The following ARSH variants were observed in gnomAD, a reference collection of about 807,000 sequenced individuals.
The protein encoded by ARSH is arylsulfatase family member H, also known as arylsulfatase H.
Under a neutral mutation model 28.7 loss-of-function variants are expected in ARSH, and 32 were observed. That is an observed-to-expected ratio of 1.11 (90% CI 0.84 to 1.50). The LOEUF is 1.50. ARSH is among the 40% of genes most tolerant of loss of function. The pLI, the probability that ARSH is intolerant of heterozygous loss-of-function variation, is 0.00. For synonymous variants in ARSH, 176 were observed against 177.3 expected (o/e 0.99, Z 0.06); for missense variants, 440 against 452.4 (o/e 0.97, Z 0.25).
chrX:3,014,461 C>T (rs2089860045), intron 3 of ARSH, among the ~76,000 whole-genome samples: 1 of 110,867 alleles, frequency 9.0e-6, no homozygotes, highest in African/African-American at 3.3e-5. Flanking sequence ...TCATCCCTAG[C>T]TTGAGGACCT....
In ARSH at chrX:3,033,378, C is replaced by A; in HGVS notation, c.1682C>A (p.Ala561Asp). The A allele has an allele frequency of 8.3e-7, 1 of 1,198,241 alleles. No homozygotes were observed. Among genetic ancestry groups the A allele is most frequent in the Non-Finnish European group, 1.1e-6 (1 of 888,677 alleles). ...AAGGAAGATGACATCCTTCCCATGGCTCCCTGAGACCATGCGGACCACGTG... is the reference window on the plus strand; with the variant it reads ...AAGGAAGATGACATCCTTCCCATGGATCCCTGAGACCATGCGGACCACGTG... ...CDKEDDILPM[A>D]P Residue 561 changes from alanine (A) to aspartate (D), a missense_variant, in exon 9 of 9, where the codon GCT becomes GAT. Transcript: ENST00000381130.
At position 3,028,806 on chromosome X, in the gene ARSH, G is replaced by A. The variant is rs148065300; in HGVS notation, c.1200-441G>A. Among the ~76,000 whole-genome samples the A allele has an allele frequency of 7.6e-3, 841 of 110,571 alleles. 6 individuals carry two copies. The highest frequency in any genetic ancestry group is 0.026 in the African/African-American group (808 of 30,492). ...TTAAGAATTCCTTCTTCCGCCAGGC[G>A]CCGTGGCTCACGCCTGTAATCCTAG... On this transcript the variant is annotated intron_variant, in intron 7 of 8. Transcript: ENST00000381130.
chrX:3,008,445 CTTA>C (rs1335493954), intron 1 of ARSH, among the ~76,000 whole-genome samples: 1 of 99,295 alleles, frequency 1.0e-5, no homozygotes, highest in Non-Finnish European at 2.1e-5. Context: ...TCTTCTTCTT[CTTA>C]TTTTCTTTCT....
In ARSH at chrX:3,033,393, C is replaced by A. The variant is rs5939155; in HGVS notation, c.*8C>A. 1 of 1,192,459 alleles carries A rather than the reference C, an allele frequency of 8.4e-7. No homozygotes were observed. The highest frequency in any genetic ancestry group is 2.2e-5 in the Admixed American group (1 of 44,669). ...CTTCCCATGGCTCCCTGAGACCATG[C>A]GGACCACGTGTTACCCACCACAAAC... On this transcript the variant is annotated 3_prime_UTR_variant, in exon 9 of 9. Transcript: ENST00000381130.
At chrX:3,026,838 C>CTTTTCT (rs149933553) in intron 6 of ARSH, among the ~76,000 whole-genome samples, 5 of 110,468 alleles carry the variant, frequency 4.5e-5, no homozygotes, top group Admixed American at 2.9e-4. Context: ...CTGTATTTTT[C>CTTTTCT]TTTTCTTTTT....
chrX:3,009,842 T>C (rs1303676057), intron 1 of ARSH, among the ~76,000 whole-genome samples, 188 bp from the exon 2 acceptor site: 1 of 112,119 alleles, frequency 8.9e-6, no homozygotes, highest in Non-Finnish European at 1.9e-5. Context: ...TATTTTAAAC[T>C]TATGTTTCCA....
chrX:3,033,184 C>A lies in ARSH; in HGVS notation c.1488C>A (p.Asn496Lys). 3 of 1,211,523 alleles carry A rather than the reference C, an allele frequency of 2.5e-6. No homozygotes were observed. Among genetic ancestry groups the A allele is most frequent in the Non-Finnish European group, 3.4e-6 (3 of 895,401 alleles). The change falls in exon 9 of 9, where the codon AAC becomes AAA. Residue 496 changes from asparagine to lysine, a missense_variant. Physicochemically the swap from Asn to Lys is moderately conservative, Grantham distance 94 (BLOSUM62 0). Transcript: ENST00000381130. ...SRDPSEALPL[N>K]PDNEPLFDSV... ...ACCCTTCAGAAGCCCTTCCACTGAACCCTGACAATGAGCCATTATTTGACT... is the reference window on the plus strand; with the variant it reads ...ACCCTTCAGAAGCCCTTCCACTGAAACCTGACAATGAGCCATTATTTGACT...
chrX:3,026,890 C>G (rs2089900177), intron 6 of ARSH, among the ~76,000 whole-genome samples: 1 of 110,922 alleles, frequency 9.0e-6, no homozygotes, highest in Non-Finnish European at 1.9e-5. Context: ...CTCACCCTGT[C>G]ACCGAGGCTG....
In ARSH at chrX:3,027,460, T is replaced by G. The variant is rs1224295586; in HGVS notation, c.1184T>G (p.Ile395Ser). The G allele has an allele frequency of 7.4e-6, 9 of 1,211,152 alleles. No homozygotes were observed. In the East Asian group the frequency reaches 2.4e-4, roughly 32 times the overall value. Reference protein sequence around the residue: ...YPTLSYIGGGILSQDRVIDGQ... With the variant: ...YPTLSYIGGGSLSQDRVIDGQ... ...ACGCTGTCTTATATAGGCGGAGGGATCTTGTCCCAGGACAGGTATGGAAAC... is the reference window on the plus strand; with the variant it reads ...ACGCTGTCTTATATAGGCGGAGGGAGCTTGTCCCAGGACAGGTATGGAAAC... The change falls in exon 7 of 9, where the codon ATC becomes AGC. Residue 395 changes from isoleucine (I) to serine (S), a missense_variant. Coordinates refer to ENST00000381130, the MANE Select transcript of ARSH (RefSeq NM_001011719.2).
chrX:3,015,855 T>C (rs2089864881), intron 4 of ARSH, among the ~76,000 whole-genome samples: 1 of 110,868 alleles, frequency 9.0e-6, no homozygotes, highest in Non-Finnish European at 1.9e-5. Context: ...AGGTGACATT[T>C]GTGATAGACT....
rs2089861662 is a variant in ARSH at position 3,015,013 on chromosome X, C to G, written c.384C>G (p.His128Gln). The G allele has an allele frequency of 8.3e-7, 1 of 1,211,739 alleles. No homozygotes were observed. The highest frequency in any genetic ancestry group is 1.1e-6 in the Non-Finnish European group (1 of 895,521). The change falls in exon 4 of 9, where the codon CAC (histidine) becomes CAG (glutamine). Residue 128 changes from histidine (H) to glutamine (Q), a missense_variant. By Grantham distance (24) the His-to-Gln change is conservative (BLOSUM62 0). Transcript: ENST00000381130. Reference sequence around the variant, plus strand: ...TGAGCTGCGCCTCTCGGAATGATCACTGTTACCACCCGCTCAACCATGGTT... The same window carrying G: ...TGAGCTGCGCCTCTCGGAATGATCAGTGTTACCACCCGCTCAACCATGGTT... ...LGLSCASRND[H>Q]CYHPLNHGFH...
intron 1 of ARSH, among the ~76,000 whole-genome samples, chrX:3,008,720 T>C (rs1483881695): frequency 1.2e-5 from 1 of 83,898 alleles, no homozygotes; most frequent in Non-Finnish European, 2.3e-5. Context: ...TGCCTAATTT[T>C]TGTGGTTTTT....
chrX:3,020,938 CAT>C (rs745824626), intron 5 of ARSH, among the ~76,000 whole-genome samples: 29 of 110,766 alleles, frequency 2.6e-4, no homozygotes, highest in Admixed American at 1.9e-4. Context: ...ACACACACAC[CAT>C]ATGTTATATA....
intron 8 of ARSH, 70 bp downstream of exon 8, chrX:3,029,438 C>T (rs771531831): frequency 3.6e-5 from 41 of 1,147,552 alleles, no homozygotes; most frequent in African/African-American, 3.2e-4. Context: ...CGTCTCCTGG[C>T]GGAAGCTGCA....
intron 8 of ARSH, among the ~76,000 whole-genome samples, chrX:3,031,775 A>G (rs906427101): frequency 9.0e-6 from 1 of 111,631 alleles, no homozygotes; most frequent in Non-Finnish European, 1.9e-5. Flanking sequence ...TTTTGTTATT[A>G]TTTTTTCTCA....
At chrX:3,008,999 T>G (rs1054095044) in intron 1 of ARSH, among the ~76,000 whole-genome samples, 9 of 111,141 alleles carry the variant, frequency 8.1e-5, no homozygotes, top group African/African-American at 2.6e-4. Context: ...TTTTACAAAA[T>G]TTTTGCAATG....
intron 8 of ARSH, among the ~76,000 whole-genome samples, chrX:3,031,475 A>T (rs1468566542): frequency 2.7e-5 from 3 of 111,897 alleles, no homozygotes; most frequent in Admixed American, 9.6e-5. Context: ...CTGTAAAGAA[A>T]GGTCTTTTGG....
At chrX:3,006,907 T>C (rs1308213857) in intron 1 of ARSH, among the ~76,000 whole-genome samples, 1 of 110,846 alleles carries the variant, frequency 9.0e-6, no homozygotes, top group African/African-American at 3.3e-5. Flanking sequence ...TAGCTGTTGG[T>C]GGTGGCGTTT....
chrX:3,024,521 C>T lies in ARSH; in HGVS notation c.1036+366C>T, dbSNP rs776422541. On this transcript the variant is annotated intron_variant, in intron 6 of 8. Coordinates refer to ENST00000381130, the MANE Select transcript of ARSH (RefSeq NM_001011719.2). ...GGGCTCCACCCACACATGCCAGTAGCACCCACCGCAGAGCAGCAACAACCA... is the reference window on the plus strand; with the variant it reads ...GGGCTCCACCCACACATGCCAGTAGTACCCACCGCAGAGCAGCAACAACCA... Among the ~76,000 whole-genome samples the T allele has an allele frequency of 2.3e-4, 25 of 110,781 alleles. No individual in the cohort carries two copies. In the East Asian group the frequency reaches 3.2e-3, roughly 14 times the overall value.
Sources: gnomAD v4.1 joint callset for allele counts (sites outside exome capture counted in the v4.1 genomes callset) on GRCh38, gnomAD v4.1.1 for gene constraint, MANE v1.5 for transcripts, NCBI Gene and HGNC (gene_info 2026-07-23, HGNC 2026-07-21) for gene names.